Variants in ZNF423 observed in about 807,000 individuals in gnomAD.
ZNF423 encodes Ebf-associated zinc finger protein.
A neutral mutation model predicts 95.8 loss-of-function variants in ZNF423; 12 were observed. The ratio of observed to expected loss-of-function variants is 0.13; its 90% CI spans 0.08 to 0.20. The LOEUF (loss-of-function observed/expected upper bound fraction) is 0.20, where lower values mean the gene tolerates loss of function less well. Ranked by LOEUF, ZNF423 falls within the 10% of genes least tolerant of loss-of-function variation. The probability of loss-of-function intolerance (pLI) is 1.00; values close to 1 mark genes in which losing one functional copy is unlikely to be tolerated. For synonymous variants in ZNF423, 749 were observed against 711.9 expected, an observed-to-expected ratio of 1.05 and a Z score of -0.83; for missense variants, 1,316 against 1,737.1, an observed-to-expected ratio of 0.76 and a Z score of 4.31.
chr16:49,811,762 G>T (rs1368846652), intron 1 of ZNF423, among the ~76,000 whole-genome samples: 1 of 72,872 alleles, frequency 1.4e-5, no homozygotes, highest in Admixed American at 1.3e-4. Context: ...CCCCACCCCC[G>T]CCCCCAGAGG....
intron 5 of ZNF423, among the ~76,000 whole-genome samples, chr16:49,557,200 C>G (rs570382642): frequency 6.6e-6 from 1 of 152,352 alleles, no homozygotes; most frequent in East Asian, 1.9e-4. Flanking sequence ...ACCAACTGCA[C>G]GCCGCCATCG....
chr16:49,665,292 T>C (rs1411155550), intron 3 of ZNF423, among the ~76,000 whole-genome samples: 1 of 152,206 alleles, frequency 6.6e-6, no homozygotes, highest in Admixed American at 6.5e-5. Context: ...CTGATGTGCC[T>C]ACAACCCAGC....
At chr16:49,504,207 G>A (rs1213080285) in intron 7 of ZNF423, among the ~76,000 whole-genome samples, 2 of 152,204 alleles carry the variant, frequency 1.3e-5, no homozygotes, top group East Asian at 3.9e-4. Flanking sequence ...TCAATGTGCT[G>A]AATGCCACTG....
chr16:49,842,977 CAA>C (rs71380379), intron 1 of ZNF423, among the ~76,000 whole-genome samples: 15 of 97,310 alleles, frequency 1.5e-4, no homozygotes, highest in Non-Finnish European at 1.9e-4. Flanking sequence ...GACTCCGTCT[CAA>C]AAAAAAAAAA....
At chr16:49,730,670 T>C in intron 3 of ZNF423, 101 bp downstream of exon 3, 3 of 1,257,720 alleles carry the variant, frequency 2.4e-6, no homozygotes, top group Middle Eastern at 2.5e-4. Context: ...ACTGTAAAAT[T>C]ACATTATTAA....
At position 49,841,724 on chromosome 16, in the gene ZNF423, C is replaced by T. The variant is rs78834012; in HGVS notation, c.40+14011G>A. On this transcript the variant is annotated intron_variant, in intron 1 of 7. Coordinates refer to ENST00000563137, the MANE Select transcript of ZNF423 (RefSeq NM_001379286.1). ...GGTCCAGTGGTTAGGGTCTACTCCC[C>T]TCTCTGGCCTCCAGGCTTCCTGAGG... Among the ~76,000 whole-genome samples the T allele has an allele frequency of 4.3e-3, 654 of 152,370 alleles. 10 individuals carry two copies. Among genetic ancestry groups the T allele is most frequent in the East Asian group, 0.029 (150 of 5,186 alleles).
chr16:49,704,465 T>C (rs1322388225), intron 3 of ZNF423, among the ~76,000 whole-genome samples: 1 of 152,118 alleles, frequency 6.6e-6, no homozygotes, highest in Non-Finnish European at 1.5e-5. Flanking sequence ...AAATGCTACA[T>C]ACATACCAGG....
intron 2 of ZNF423, among the ~76,000 whole-genome samples, chr16:49,742,850 AC>A (rs2033442998): frequency 6.6e-6 from 1 of 152,056 alleles, no homozygotes; most frequent in African/African-American, 2.4e-5. Context: ...AGGGATCTGT[AC>A]CCCTAAAACC....
chr16:49,765,280 T>C (rs1596984479), intron 2 of ZNF423, among the ~76,000 whole-genome samples: 2 of 152,128 alleles, frequency 1.3e-5, no homozygotes, highest in Non-Finnish European at 2.9e-5. Flanking sequence ...ATCGTTTCAT[T>C]TTGGGAAGAT....
chr16:49,556,413 C>G (rs1287978081), intron 5 of ZNF423, among the ~76,000 whole-genome samples: 4 of 152,214 alleles, frequency 2.6e-5, no homozygotes, highest in Non-Finnish European at 5.9e-5. Context: ...CAGCGTCTCT[C>G]ACATTGATTT....
At chr16:49,694,230 C>T (rs1305479751) in intron 3 of ZNF423, among the ~76,000 whole-genome samples, 2 of 152,112 alleles carry the variant, frequency 1.3e-5, no homozygotes, top group Non-Finnish European at 2.9e-5. Flanking sequence ...ACTGAATTCC[C>T]AGAGATCAAA....
At chr16:49,697,725 G>A (rs976564716) in intron 3 of ZNF423, among the ~76,000 whole-genome samples, 10 of 152,336 alleles carry the variant, frequency 6.6e-5, no homozygotes, top group Admixed American at 5.2e-4. Flanking sequence ...AGAGTTGTGC[G>A]TTCACGCGTG....
chr16:49,503,374 G>A (rs143650324), intron 7 of ZNF423, among the ~76,000 whole-genome samples: 8 of 152,252 alleles, frequency 5.3e-5, no homozygotes, highest in South Asian at 2.1e-4. Context: ...ACCCACACCC[G>A]GAACACATCC....
intron 3 of ZNF423, among the ~76,000 whole-genome samples, chr16:49,656,529 A>AT (rs1051770249): frequency 6.6e-6 from 1 of 152,054 alleles, no homozygotes; most frequent in Non-Finnish European, 1.5e-5. Context: ...AGAAAAAAAA[A>AT]GGCAAGTGGG....
At chr16:49,769,607 A>G (rs1431112514) in intron 2 of ZNF423, among the ~76,000 whole-genome samples, 1 of 152,192 alleles carries the variant, frequency 6.6e-6, no homozygotes, top group East Asian at 1.9e-4. Flanking sequence ...AACTCAGAAG[A>G]AAAGCCAAGG....
At chr16:49,852,948 T>C (rs1217547377) in intron 1 of ZNF423, among the ~76,000 whole-genome samples, 1 of 152,186 alleles carries the variant, frequency 6.6e-6, no homozygotes, top group Non-Finnish European at 1.5e-5. Flanking sequence ...AAAGCAGCAA[T>C]GCCTGTGCTT....
At chr16:49,827,754 A>G (rs568500102) in intron 1 of ZNF423, among the ~76,000 whole-genome samples, 1 of 152,262 alleles carries the variant, frequency 6.6e-6, no homozygotes, top group East Asian at 1.9e-4. Context: ...CAGGCTTCAA[A>G]CAATCCTACT....
intron 5 of ZNF423, among the ~76,000 whole-genome samples, chr16:49,558,949 G>A (rs1489953113): frequency 1.3e-5 from 2 of 152,212 alleles, no homozygotes; most frequent in African/African-American, 2.4e-5. Flanking sequence ...CTCAGTAAGG[G>A]GGTCTCAGAG....
chr16:49,823,364 A>G lies in ZNF423; in HGVS notation c.40+32371T>C, dbSNP rs147853896. ...CTCTGCTAAGCACTTTACACACATT[A>G]TCTTGTTTAATCTTCACAGCTGTGC... On this transcript the variant is annotated intron_variant, in intron 1 of 7. Transcript: ENST00000563137. 9.1e-4 allele frequency among the ~76,000 whole-genome samples: 139 copies of G among 152,318 alleles called. 5 individuals are homozygous for G. The East Asian group carries it at 0.023, about 25-fold the overall frequency.
Sources: gnomAD v4.1 joint callset for allele counts (sites outside exome capture counted in the v4.1 genomes callset) on GRCh38, gnomAD v4.1.1 for gene constraint, MANE v1.5 for transcripts, NCBI Gene and HGNC (gene_info 2026-07-23, HGNC 2026-07-21) for gene names.